Variants in MYO9B observed in about 807,000 individuals in gnomAD.
The protein encoded by MYO9B is unconventional myosin-IXb.
Under a neutral mutation model 229.5 loss-of-function variants are expected in MYO9B, and 71 were observed. The observed-to-expected ratio is 0.31, with a 90% CI of 0.26 to 0.38. MYO9B has a LOEUF of 0.38. Ranked by LOEUF, MYO9B falls within the 10% of genes least tolerant of loss-of-function variation. The pLI, the probability that MYO9B is intolerant of heterozygous loss-of-function variation, is 1.00. For synonymous variants in MYO9B, 1,185 were observed against 1,235.8 expected (o/e 0.96, Z 0.86); for missense variants, 2,255 against 2,920.5 (o/e 0.77, Z 5.25).
chr19:17,123,625 G>A (rs1480289411), intron 2 of MYO9B, among the ~76,000 whole-genome samples: 1 of 152,138 alleles, frequency 6.6e-6, no homozygotes, highest in Admixed American at 6.5e-5. Context: ...ATTTTTAGTA[G>A]AGACGGGTCT....
intron 30 of MYO9B, 83 bp downstream of exon 30, chr19:17,203,341 G>A (rs543921708): frequency 1.2e-5 from 13 of 1,100,062 alleles, no homozygotes; most frequent in African/African-American, 9.4e-5. Flanking sequence ...AGGGCCAGGC[G>A]GGGTGGCTCA....
In MYO9B at chr19:17,125,298, C is replaced by T. The variant is rs1031755150; in HGVS notation, c.841-20099C>T. Among the ~76,000 whole-genome samples the T allele has an allele frequency of 9.3e-4, 15 of 16,098 alleles. 1 individual carries two copies. The highest frequency in any genetic ancestry group is 6.1e-3 in the African/African-American group (14 of 2,308). 10.6% of individuals were successfully genotyped at this position (16,098 alleles called of 152,430 possible). A position where few individuals can be genotyped will look rare whatever the true frequency, so the allele number is the denominator to read the frequency against. ...CCTGGGCAACAGAGTAAAACCCCAT[C>T]CCCCCCCCCCCAAAAAAAGGGTAAG... On this transcript the variant is annotated intron_variant, in intron 2 of 39. Coordinates refer to ENST00000682292, the MANE Select transcript of MYO9B (RefSeq NM_004145.4).
At position 17,123,544 on chromosome 19, in the gene MYO9B, G is replaced by A. The variant is rs189912457; in HGVS notation, c.840+20987G>A. ...CAACCTCCACCTCCCTGGTTCAGGCGATTCTCCTGCCTCAACCTCTGAAAT... is the reference window on the plus strand; with the variant it reads ...CAACCTCCACCTCCCTGGTTCAGGCAATTCTCCTGCCTCAACCTCTGAAAT... On this transcript the variant is annotated intron_variant, in intron 2 of 39. Coordinates refer to ENST00000682292, the MANE Select transcript of MYO9B (RefSeq NM_004145.4). Among the ~76,000 whole-genome samples, 15 of 152,004 alleles carry A rather than the reference G, an allele frequency of 9.9e-5. No homozygotes were observed. The East Asian group carries it at 2.1e-3, about 22-fold the overall frequency.
chr19:17,155,426 CT>C (rs2072526371), intron 6 of MYO9B, among the ~76,000 whole-genome samples: 1 of 152,158 alleles, frequency 6.6e-6, no homozygotes, highest in Non-Finnish European at 1.5e-5. Context: ...AGCCATCCAC[CT>C]GCGTAAGCCT....
At chr19:17,106,428 G>C (rs556625125) in intron 2 of MYO9B, among the ~76,000 whole-genome samples, 54 of 152,232 alleles carry the variant, frequency 3.5e-4, no homozygotes, top group Non-Finnish European at 6.3e-4. Flanking sequence ...GGTGACACAG[G>C]AGCTATAGAG....
intron 2 of MYO9B, among the ~76,000 whole-genome samples, chr19:17,112,594 A>T (rs1478997427): frequency 6.6e-6 from 1 of 152,114 alleles, no homozygotes; most frequent in Non-Finnish European, 1.5e-5. Context: ...GTCCCAAGGG[A>T]GGAGGAGAGG....
At chr19:17,164,705 A>G (rs894351167) in intron 10 of MYO9B, among the ~76,000 whole-genome samples, 4 of 152,160 alleles carry the variant, frequency 2.6e-5, no homozygotes, top group African/African-American at 7.2e-5. Context: ...TTGCAGCTAA[A>G]TAGTCAACCA....
chr19:17,080,763 A>G (rs2057527005), intron 1 of MYO9B, among the ~76,000 whole-genome samples: 1 of 152,088 alleles, frequency 6.6e-6, no homozygotes, highest in African/African-American at 2.4e-5. Flanking sequence ...CAGCACTTTA[A>G]GAAGCTGAGA....
At chr19:17,136,420 G>A (rs778573252) in intron 2 of MYO9B, among the ~76,000 whole-genome samples, 55 of 152,084 alleles carry the variant, frequency 3.6e-4, no homozygotes, top group Non-Finnish European at 5.6e-4. Flanking sequence ...TAGAAAGACC[G>A]CAGGGACCCC....
chr19:17,165,195 G>A (rs2072645550), intron 10 of MYO9B, among the ~76,000 whole-genome samples: 1 of 151,782 alleles, frequency 6.6e-6, no homozygotes, highest in Non-Finnish European at 1.5e-5. Context: ...TAAATTAAGT[G>A]TATTATTAAA....
At chr19:17,167,781 A>G in intron 10 of MYO9B, 162 bp from the exon 11 acceptor site, 2 of 913,044 alleles carry the variant, frequency 2.2e-6, no homozygotes, top group Non-Finnish European at 3.1e-6. Flanking sequence ...GCCCAGCCCT[A>G]TTAGAGTTAA....
chr19:17,196,138 A>C, intron 22 of MYO9B, among the ~76,000 whole-genome samples: 1 of 19,468 alleles, frequency 5.1e-5, no homozygotes, highest in Admixed American at 8.0e-4. Context: ...AGAGGGAAGG[A>C]TGTGTGGGTG....
Position 17,101,632 on chromosome 19 carries a change from C to G in MYO9B, c.-58-28C>G. 3 of 1,459,008 alleles carry G rather than the reference C, an allele frequency of 2.1e-6. No homozygotes were observed. The highest frequency in any genetic ancestry group is 2.7e-6 in the Non-Finnish European group (3 of 1,109,328). The allele number at this position is 1,459,008 out of a possible 1,614,324, so 90.4% of individuals were successfully genotyped here. A position where few individuals can be genotyped will look rare whatever the true frequency, so the allele number is the denominator to read the frequency against. ...CTTAAACTTCCTCCCACCATTCTGA[C>G]CATGCCTGGCTCTGACCTCCCTTCT... On this transcript the variant is annotated intron_variant, in intron 1 of 39. Transcript: ENST00000682292. The surrounding 1 kb of genome is among the most constrained non-coding windows in gnomAD (Gnocchi z 4.7).
chr19:17,162,529 T>C, intron 9 of MYO9B, 63 bp downstream of exon 9: 1 of 1,379,366 alleles, frequency 7.2e-7, no homozygotes, highest in South Asian at 1.2e-5. Context: ...ACTACCAATA[T>C]CCTTGGTGGG....
intron 8 of MYO9B, among the ~76,000 whole-genome samples, chr19:17,160,799 A>G (rs1209621313): frequency 6.6e-6 from 1 of 152,142 alleles, no homozygotes; most frequent in African/African-American, 2.4e-5. Context: ...TCCAGGGTTC[A>G]AGCAATTCTC....
At position 17,200,652 on chromosome 19, in the gene MYO9B, G is replaced by C; in HGVS notation, c.4386G>C (p.Gln1462His). ...MKKGLEAPSG[Q>H]QHRHAAGEKR... ...GTCCCCCCTCAGCCCCCTCCGGACA[G>C]CAGCATCGCCACGCTGCAGGTGAGA... The change falls in exon 26 of 40, where the codon CAG becomes CAC. Residue 1462 changes from glutamine (Q) to histidine (H), a missense_variant. By Grantham distance (24) the Gln-to-His change is conservative. Around this residue, in one of 7 missense-constraint regions of MYO9B, gnomAD observed 679 missense variants for 770.2 expected, o/e 0.88. Transcript: ENST00000682292. The C allele has an allele frequency of 6.2e-7, 1 of 1,613,318 alleles. No homozygotes were observed. Among genetic ancestry groups the C allele is most frequent in the Non-Finnish European group, 8.5e-7 (1 of 1,179,558 alleles).
At chr19:17,210,909 C>T in intron 38 of MYO9B, 61 bp downstream of exon 38, 6 of 1,556,764 alleles carry the variant, frequency 3.9e-6, no homozygotes, top group Non-Finnish European at 5.2e-6. Flanking sequence ...AGTGCAGGTT[C>T]CATCCCTGGT....
chr19:17,134,390 T>G (rs1443368005), intron 2 of MYO9B, among the ~76,000 whole-genome samples: 7 of 117,472 alleles, frequency 6.0e-5, no homozygotes, highest in Admixed American at 2.5e-4. Flanking sequence ...TGTTTTTTTT[T>G]TTTTTTTTTT....
At chr19:17,116,029 C>CACAG (rs71334668) in intron 2 of MYO9B, among the ~76,000 whole-genome samples, 113,323 of 151,652 alleles carry the variant, frequency 0.75, 42,768 homozygotes, top group African/African-American at 0.82. Flanking sequence ...CTCTCTGCCC[C>CACAG]ACAGCTGGGA....
Sources: gnomAD v4.1 joint callset for allele counts (sites outside exome capture counted in the v4.1 genomes callset) on GRCh38, gnomAD v4.1.1 for gene constraint, gnomAD v4.1.1 regional missense constraint, Gnocchi (gnomAD v3.1) non-coding constraint, MANE v1.5 for transcripts, NCBI Gene and HGNC (gene_info 2026-07-23, HGNC 2026-07-21) for gene names.